Variants in LMOD1 observed in about 807,000 individuals in gnomAD.
LMOD1 encodes the protein leiomodin-1.
Under a neutral mutation model 36.5 loss-of-function variants are expected in LMOD1, and 8 were observed. The ratio of observed to expected loss-of-function variants is 0.22; its 90% CI spans 0.13 to 0.40. The LOEUF (loss-of-function observed/expected upper bound fraction) is 0.40. Ranked by LOEUF, LMOD1 falls within the 10% of genes least tolerant of loss-of-function variation. The pLI is 1.00. For missense variants in LMOD1, 630 were observed against 751.1 expected (o/e 0.84, Z 1.88); for synonymous variants, 284 against 288.7 (o/e 0.98, Z 0.17).
At chr1:201,906,686 C>A (rs565997701) in intron 1 of LMOD1, among the ~76,000 whole-genome samples, 1 of 152,240 alleles carries the variant, frequency 6.6e-6, no homozygotes, top group African/African-American at 2.4e-5. Context: ...AGTGCCAAAT[C>A]TTTTATTGTT....
chr1:201,929,562 A>G (rs543173400), intron 1 of LMOD1, among the ~76,000 whole-genome samples: 2 of 152,336 alleles, frequency 1.3e-5, no homozygotes, highest in East Asian at 3.9e-4. Flanking sequence ...TTATTTTTAA[A>G]AAGAGGATAA....
chr1:201,942,725 G>T (rs1383376498), intron 1 of LMOD1, among the ~76,000 whole-genome samples: 1 of 150,312 alleles, frequency 6.7e-6, no homozygotes, highest in Non-Finnish European at 1.5e-5. Context: ...ACATACAAAA[G>T]TAGAAAAAAT....
chr1:201,923,904 G>GAGGGAGAGAGAGAGAGAGA (rs1558239914), intron 1 of LMOD1, among the ~76,000 whole-genome samples: 1 of 108,986 alleles, frequency 9.2e-6, no homozygotes, highest in African/African-American at 3.3e-5. Context: ...AGAGAGAGAG[G>GAGGGAGAGAGAGAGAGAGA]GAGGGAGAGA....
At chr1:201,942,750 C>T (rs1429042339) in intron 1 of LMOD1, among the ~76,000 whole-genome samples, 28 of 151,606 alleles carry the variant, frequency 1.8e-4, no homozygotes. Context: ...TAATGAACAC[C>T]CATGTAGACC....
intron 1 of LMOD1, 74 bp downstream of exon 1, chr1:201,946,006 C>T: frequency 7.0e-7 from 1 of 1,437,604 alleles, no homozygotes; most frequent in Non-Finnish European, 9.6e-7. Context: ...AGGAAGGAAG[C>T]ATCCTAATCA....
chr1:201,942,711 A>G (rs1040174127), intron 1 of LMOD1, among the ~76,000 whole-genome samples: 7 of 151,738 alleles, frequency 4.6e-5, no homozygotes, highest in African/African-American at 1.7e-4. Context: ...AAATTTTCGA[A>G]CATACATACA....
At chr1:201,920,397 G>C (rs777374390) in intron 1 of LMOD1, among the ~76,000 whole-genome samples, 18 of 151,982 alleles carry the variant, frequency 1.2e-4, no homozygotes, top group Non-Finnish European at 2.4e-4. Context: ...GAATTGTTCT[G>C]GAAAGACATC....
intron 1 of LMOD1, among the ~76,000 whole-genome samples, chr1:201,901,548 A>G (rs1431480422): frequency 4.0e-5 from 2 of 49,590 alleles, no homozygotes; most frequent in South Asian, 7.4e-4. Flanking sequence ...ATATATATAT[A>G]TATACATATA....
intron 1 of LMOD1, among the ~76,000 whole-genome samples, chr1:201,937,852 A>G (rs925306811): frequency 1.3e-5 from 2 of 152,194 alleles, no homozygotes; most frequent in Non-Finnish European, 2.9e-5. Flanking sequence ...TGGCATTTAG[A>G]AAGTACATAA....
chr1:201,904,648 G>A (rs1315170776), intron 1 of LMOD1, among the ~76,000 whole-genome samples: 1 of 152,202 alleles, frequency 6.6e-6, no homozygotes, highest in Non-Finnish European at 1.5e-5. Context: ...CCAAGTGTCT[G>A]TTCTTGAGGA....
At position 201,918,470 on chromosome 1, in the gene LMOD1, G is replaced by A. The variant is rs576420415; in HGVS notation, c.262-17719C>T. ...TGGCAACAAAGCCCTCCGTGACCTGGCCTGTGCCTGCCTCTGTGCGCCCTC... is the reference window on the plus strand; with the variant it reads ...TGGCAACAAAGCCCTCCGTGACCTGACCTGTGCCTGCCTCTGTGCGCCCTC... On this transcript the variant is annotated intron_variant, in intron 1 of 2. Transcript: ENST00000367288. Among the ~76,000 whole-genome samples the A allele has an allele frequency of 2.0e-5, 3 of 152,302 alleles. No individual in the cohort carries two copies. The East Asian group carries it at 5.8e-4, about 29-fold the overall frequency.
At chr1:201,927,378 C>T (rs1681843684) in intron 1 of LMOD1, among the ~76,000 whole-genome samples, 1 of 152,010 alleles carries the variant, frequency 6.6e-6, no homozygotes, top group Non-Finnish European at 1.5e-5. Context: ...CCATCCTGGC[C>T]AACATGGTGT....
chr1:201,926,077 C>T (rs1391744425), intron 1 of LMOD1, among the ~76,000 whole-genome samples: 1 of 152,150 alleles, frequency 6.6e-6, no homozygotes, highest in Non-Finnish European at 1.5e-5. Context: ...GGCATATGTG[C>T]TCTATCTATA....
At chr1:201,902,348 A>G (rs1020644351) in intron 1 of LMOD1, among the ~76,000 whole-genome samples, 12 of 151,282 alleles carry the variant, frequency 7.9e-5, no homozygotes, top group African/African-American at 2.7e-4. Flanking sequence ...CTTGGATTCT[A>G]TGACTCAATT....
intron 1 of LMOD1, among the ~76,000 whole-genome samples, chr1:201,923,520 A>T (rs1478267306): frequency 2.0e-5 from 3 of 152,096 alleles, no homozygotes; most frequent in African/African-American, 7.2e-5. Flanking sequence ...CAGGAGTTTG[A>T]GATCAGCCTG....
intron 1 of LMOD1, among the ~76,000 whole-genome samples, chr1:201,912,848 T>G (rs1681537722): frequency 6.6e-6 from 1 of 152,004 alleles, no homozygotes; most frequent in African/African-American, 2.4e-5. Flanking sequence ...GGTGACAGTG[T>G]GGGTGACAGA....
chr1:201,913,612 A>G (rs1232673236), intron 1 of LMOD1, among the ~76,000 whole-genome samples: 1 of 152,008 alleles, frequency 6.6e-6, no homozygotes, highest in Non-Finnish European at 1.5e-5. Context: ...GTCTCAAAAG[A>G]AAAAAAATAA....
chr1:201,922,252 A>C (rs1681718556), intron 1 of LMOD1, among the ~76,000 whole-genome samples: 1 of 152,224 alleles, frequency 6.6e-6, no homozygotes, highest in Admixed American at 6.5e-5. Flanking sequence ...CAGACCCAAG[A>C]GAATTGAAAA....
intron 1 of LMOD1, among the ~76,000 whole-genome samples, chr1:201,903,386 G>T (rs1323534516): frequency 6.6e-6 from 1 of 152,198 alleles, no homozygotes; most frequent in African/African-American, 2.4e-5. Flanking sequence ...CCCCACTGGG[G>T]CTATGGTGAT....
Sources: allele counts gnomAD v4.1 joint callset (sites outside exome capture counted in the v4.1 genomes callset), GRCh38; gene constraint gnomAD v4.1.1; transcripts MANE v1.5; gene names NCBI Gene and HGNC (gene_info 2026-07-23, HGNC 2026-07-21).